The following AGMO variants were observed in gnomAD, a reference collection of about 807,000 sequenced individuals.
The protein encoded by AGMO is glyceryl-ether monooxygenase.
Under a neutral mutation model 60.2 loss-of-function variants are expected in AGMO, and 75 were observed. The observed-to-expected ratio is 1.25, with a 90% confidence interval of 1.03 to 1.51. AGMO has a LOEUF of 1.51. Among genes scored for constraint, AGMO ranks in the 40% most tolerant of loss-of-function variants. The pLI, the probability that AGMO is intolerant of heterozygous loss-of-function variation, is 0.00. For missense variants in AGMO, 763 were observed against 525.5 expected, an observed-to-expected ratio of 1.45 and a Z score of -4.42; for synonymous variants, 261 against 177.1, an observed-to-expected ratio of 1.47 and a Z score of -3.76.
At chr7:15,247,451 C>CAGAGAGAGAG (rs1368429253) in intron 12 of AGMO, among the ~76,000 whole-genome samples, 6 of 119,620 alleles carry the variant, frequency 5.0e-5, no homozygotes, top group Non-Finnish European at 6.8e-5. Flanking sequence ...CACACACACA[C>CAGAGAGAGAG]ACACACACAG....
intron 5 of AGMO, among the ~76,000 whole-genome samples, chr7:15,398,701 A>G (rs1196469899): frequency 6.6e-6 from 1 of 152,162 alleles, no homozygotes; most frequent in Admixed American, 6.6e-5. Context: ...TTTAGAAGTT[A>G]TTTGTTTGTA....
intron 10 of AGMO, among the ~76,000 whole-genome samples, chr7:15,382,174 T>C (rs1783721098): frequency 6.6e-6 from 1 of 152,076 alleles, no homozygotes; most frequent in Non-Finnish European, 1.5e-5. Context: ...AAAATAAAAG[T>C]TTAAAAAAAT....
intron 5 of AGMO, among the ~76,000 whole-genome samples, chr7:15,411,099 G>T (rs1780580093): frequency 6.6e-6 from 1 of 151,814 alleles, no homozygotes; most frequent in African/African-American, 2.4e-5. Context: ...TGTGAAGAAT[G>T]GGCTCCTGAT....
intron 12 of AGMO, among the ~76,000 whole-genome samples, chr7:15,287,620 G>A (rs1300552420): frequency 3.3e-5 from 5 of 152,154 alleles, no homozygotes; most frequent in African/African-American, 9.7e-5. Flanking sequence ...TTTTAAAAGT[G>A]AGTTGTATCA....
At chr7:15,177,075 A>T in the AGMO span, among the ~76,000 whole-genome samples, 1 of 151,266 alleles carries the variant, frequency 6.6e-6, no homozygotes, top group African/African-American at 2.4e-5. Flanking sequence ...AGGTAATGCA[A>T]ATCTGATGCT....
intron 12 of AGMO, among the ~76,000 whole-genome samples, chr7:15,362,427 TG>T (rs1782802373): frequency 6.6e-6 from 1 of 152,110 alleles, no homozygotes; most frequent in East Asian, 1.9e-4. Flanking sequence ...TAATGGCTTG[TG>T]GTTTTAATAA....
intron 12 of AGMO, among the ~76,000 whole-genome samples, chr7:15,319,873 T>A (rs1335591528): frequency 1.3e-5 from 2 of 152,028 alleles, no homozygotes; most frequent in African/African-American, 4.8e-5. Context: ...TACAGTTACA[T>A]AAAAGATTTG....
chr7:15,459,351 G>T (rs1451005918), intron 3 of AGMO, among the ~76,000 whole-genome samples: 5 of 152,062 alleles, frequency 3.3e-5, no homozygotes, highest in African/African-American at 9.7e-5. Context: ...GTGAGAAAAG[G>T]TGCTTCTGGG....
At chr7:15,335,010 G>C (rs1472043366) in intron 12 of AGMO, among the ~76,000 whole-genome samples, 1 of 152,116 alleles carries the variant, frequency 6.6e-6, no homozygotes, top group African/African-American at 2.4e-5. Context: ...GGAAATGCTA[G>C]CTTTATGTTG....
At chr7:15,481,822 G>C (rs1583597613) in intron 3 of AGMO, among the ~76,000 whole-genome samples, 1 of 135,134 alleles carries the variant, frequency 7.4e-6, no homozygotes, top group Non-Finnish European at 1.6e-5. Context: ...GCTAAATCAG[G>C]TTAATGCATT....
intron 4 of AGMO, among the ~76,000 whole-genome samples, chr7:15,424,745 T>G (rs1178631467): frequency 1.3e-5 from 2 of 152,136 alleles, no homozygotes; most frequent in Non-Finnish European, 2.9e-5. Flanking sequence ...TGCCTTGGAG[T>G]TCCGAGGCAA....
At chr7:15,131,780 AC>A in the AGMO span, among the ~76,000 whole-genome samples, 3 of 151,762 alleles carry the variant, frequency 2.0e-5, no homozygotes, top group Non-Finnish European at 2.9e-5. Context: ...ACACACACAC[AC>A]ACACACACAA....
chr7:15,394,968 T>G (rs1784311499), intron 5 of AGMO, among the ~76,000 whole-genome samples: 1 of 152,212 alleles, frequency 6.6e-6, no homozygotes. Context: ...CTATAAATTC[T>G]AAAAATCATA....
chr7:15,468,329 T>A (rs934910133), intron 3 of AGMO, among the ~76,000 whole-genome samples: 1 of 152,074 alleles, frequency 6.6e-6, no homozygotes, highest in African/African-American at 2.4e-5. Context: ...ACCAAGAAAT[T>A]TTTTCTATAC....
chr7:15,337,644 C>T (rs1027251857), intron 12 of AGMO, among the ~76,000 whole-genome samples: 1 of 152,174 alleles, frequency 6.6e-6, no homozygotes, highest in African/African-American at 2.4e-5. Flanking sequence ...TGCAACCCAC[C>T]TGCTCACCCT....
chr7:15,376,838 A>G (rs923771205), intron 10 of AGMO, among the ~76,000 whole-genome samples: 1 of 152,082 alleles, frequency 6.6e-6, no homozygotes, highest in Non-Finnish European at 1.5e-5. Flanking sequence ...TCCGTGGGTC[A>G]TATCACTAAA....
chr7:15,399,766 C>G (rs1437633398), intron 5 of AGMO, among the ~76,000 whole-genome samples: 4 of 152,062 alleles, frequency 2.6e-5, no homozygotes. Flanking sequence ...TATGTCATTT[C>G]CCCTGACCAA....
intron 12 of AGMO, among the ~76,000 whole-genome samples, chr7:15,221,539 TAC>T (rs1373066040): frequency 1.3e-5 from 2 of 152,040 alleles, no homozygotes; most frequent in African/African-American, 4.8e-5. Context: ...AAAATTCAAG[TAC>T]AGGGTTTTGG....
intron 3 of AGMO, among the ~76,000 whole-genome samples, chr7:15,468,628 CT>C (rs1782358189): frequency 6.6e-6 from 1 of 151,926 alleles, no homozygotes; most frequent in African/African-American, 2.4e-5. Context: ...TTCAGATTAT[CT>C]TCAAAGTATA....
Sources: gnomAD v4.1 joint callset for allele counts (sites outside exome capture counted in the v4.1 genomes callset) on GRCh38, gnomAD v4.1.1 for gene constraint, MANE v1.5 for transcripts, NCBI Gene and HGNC (gene_info 2026-07-23, HGNC 2026-07-21) for gene names.